The following GAD2 variants were observed in gnomAD, a reference collection of about 807,000 sequenced individuals.
GAD2 encodes glutamate decarboxylase 2.
Under a neutral mutation model 80.1 loss-of-function variants are expected in GAD2, and 22 were observed. That is an observed-to-expected ratio of 0.27 (90% CI 0.20 to 0.39). The LOEUF (loss-of-function observed/expected upper bound fraction) is 0.39. GAD2 is among the 10% of genes least tolerant of loss of function. The pLI is 1.00. For synonymous variants in GAD2, 274 were observed against 256.9 expected (o/e 1.07, Z -0.64); for missense variants, 624 against 738.4 (o/e 0.85, Z 1.80).
At chr10:26,269,054 A>T in intron 8 of GAD2, 65 bp from the exon 9 acceptor site, 11 of 1,265,490 alleles carry the variant, frequency 8.7e-6, no homozygotes, top group Non-Finnish European at 1.1e-5. Flanking sequence ...TCCTGCGGCC[A>T]CTTACGTTGT....
chr10:26,267,506 CT>C (rs1845085881), intron 8 of GAD2, among the ~76,000 whole-genome samples: 1 of 152,180 alleles, frequency 6.6e-6, no homozygotes, highest in South Asian at 2.1e-4. Flanking sequence ...ATCACCCTCC[CT>C]TCCCTCCCCT....
chr10:26,240,949 G>A (rs1258218726), intron 7 of GAD2, among the ~76,000 whole-genome samples: 3 of 151,922 alleles, frequency 2.0e-5, no homozygotes, highest in African/African-American at 7.3e-5. Flanking sequence ...GGCTGAGGCA[G>A]AAGAATGGCG....
intron 7 of GAD2, among the ~76,000 whole-genome samples, chr10:26,235,342 A>G (rs541265134): frequency 6.6e-6 from 1 of 152,182 alleles, no homozygotes; most frequent in African/African-American, 2.4e-5. Flanking sequence ...AAATGTTCAC[A>G]TATTCATGAA....
At position 26,216,979 on chromosome 10, in the gene GAD2, G is replaced by A. The variant is rs927274044; in HGVS notation, c.76+94G>A. Reference sequence around the variant, plus strand: ...GAAGACGAAGGAGGTTTTTCCACCTGCAACAGGAAACTTCTTCGGGCGCTT... The same window carrying A: ...GAAGACGAAGGAGGTTTTTCCACCTACAACAGGAAACTTCTTCGGGCGCTT... On this transcript the variant is annotated intron_variant, in intron 1 of 15. Transcript: ENST00000376261. The surrounding 1 kb of genome is among the most constrained non-coding windows in gnomAD (Gnocchi z 4.7). 1 of 1,127,830 alleles carries A rather than the reference G, an allele frequency of 8.9e-7. No homozygotes were observed. Among genetic ancestry groups the A allele is most frequent in the Non-Finnish European group, 1.3e-6 (1 of 769,156 alleles). 69.9% of individuals were successfully genotyped at this position (1,127,830 alleles called of 1,614,324 possible).
At chr10:26,218,810 T>C (rs1417079490) in intron 3 of GAD2, among the ~76,000 whole-genome samples, 1 of 152,216 alleles carries the variant, frequency 6.6e-6, no homozygotes, top group Non-Finnish European at 1.5e-5. Flanking sequence ...ATATAAGTTA[T>C]GAATTGAAAT....
chr10:26,284,730 C>T (rs1282370311), intron 12 of GAD2, among the ~76,000 whole-genome samples: 1 of 151,942 alleles, frequency 6.6e-6, no homozygotes, highest in Non-Finnish European at 1.5e-5. Flanking sequence ...CACCACCGCC[C>T]AGCTAATTTT....
chr10:26,225,659 G>A (rs1305246377), intron 6 of GAD2, among the ~76,000 whole-genome samples: 1 of 152,152 alleles, frequency 6.6e-6, no homozygotes, highest in African/African-American at 2.4e-5. Flanking sequence ...GTGAAAAGAA[G>A]AAATGATAAG....
intron 8 of GAD2, among the ~76,000 whole-genome samples, chr10:26,254,177 C>G (rs1844916388): frequency 6.6e-6 from 1 of 152,216 alleles, no homozygotes; most frequent in African/African-American, 2.4e-5. Context: ...GCTGGGTTTA[C>G]AGGCTCACGC....
At chr10:26,282,305 T>C (rs1264750523) in intron 12 of GAD2, among the ~76,000 whole-genome samples, 1 of 152,192 alleles carries the variant, frequency 6.6e-6, no homozygotes, top group Non-Finnish European at 1.5e-5. Flanking sequence ...AGTTAATACA[T>C]TATTTTAGAA....
intron 4 of GAD2, among the ~76,000 whole-genome samples, chr10:26,219,894 TCCTC>T (rs1844431832): frequency 6.6e-6 from 1 of 151,752 alleles, no homozygotes; most frequent in East Asian, 1.9e-4. Flanking sequence ...GGATGTGTGT[TCCTC>T]CCAGCCACTG....
chr10:26,288,357 A>G (rs1834172153), intron 13 of GAD2, among the ~76,000 whole-genome samples: 1 of 152,224 alleles, frequency 6.6e-6, no homozygotes, highest in African/African-American at 2.4e-5. Context: ...GCTAAATATC[A>G]GGAGCTTTAC....
At chr10:26,280,782 G>T (rs1343031884) in intron 11 of GAD2, among the ~76,000 whole-genome samples, 1 of 152,150 alleles carries the variant, frequency 6.6e-6, no homozygotes. Flanking sequence ...CTATTTGGGT[G>T]CTGGGTACAC....
chr10:26,297,807 A>G (rs996013582), intron 15 of GAD2, among the ~76,000 whole-genome samples: 1 of 152,184 alleles, frequency 6.6e-6, no homozygotes, highest in Non-Finnish European at 1.5e-5. Context: ...TATGCCTCAC[A>G]GGGCCTGTAT....
In GAD2 at chr10:26,251,148, T is replaced by C. The variant is rs12780466; in HGVS notation, c.920+5148T>C. On this transcript the variant is annotated intron_variant, in intron 8 of 15. Coordinates refer to ENST00000376261, the MANE Select transcript of GAD2 (RefSeq NM_001134366.2). ...CTCCTGATCTCGTGATCCACCCACC[T>C]CGGCCTCCCAAAGTGCTAGGATTAT... is the stretch of plus-strand genomic sequence containing the variant. Among the ~76,000 whole-genome samples the C allele has an allele frequency of 5.2e-3, 780 of 149,820 alleles. 2 individuals are homozygous for C. The highest frequency in any genetic ancestry group is 8.0e-3 in the Non-Finnish European group (542 of 67,654).
At chr10:26,242,951 C>A (rs1022885121) in intron 7 of GAD2, among the ~76,000 whole-genome samples, 1 of 152,158 alleles carries the variant, frequency 6.6e-6, no homozygotes. Context: ...GGGCAGCTGG[C>A]TGTCTCTTCC....
chr10:26,262,895 G>A (rs1487245582), intron 8 of GAD2, among the ~76,000 whole-genome samples: 2 of 151,696 alleles, frequency 1.3e-5, no homozygotes, highest in South Asian at 2.1e-4. Flanking sequence ...GAAGAGGGAC[G>A]GTAGTTTGGG....
intron 11 of GAD2, among the ~76,000 whole-genome samples, chr10:26,274,904 G>C (rs866125457): frequency 6.6e-5 from 10 of 152,234 alleles, no homozygotes; most frequent in Non-Finnish European, 1.2e-4. Context: ...TGGGGTCAGA[G>C]CCTGGCCTGA....
At chr10:26,273,728 A>G in intron 11 of GAD2, 28 bp downstream of exon 11, 1 of 1,591,756 alleles carries the variant, frequency 6.3e-7, no homozygotes, top group South Asian at 1.1e-5. Context: ...TATTAACAAC[A>G]TAAAGTGTTA....
chr10:26,268,146 A>G (rs979316079), intron 8 of GAD2, among the ~76,000 whole-genome samples: 3 of 152,358 alleles, frequency 2.0e-5, no homozygotes, highest in Non-Finnish European at 4.4e-5. Context: ...CTATGTTAGC[A>G]ACCTCCAGAG....
Sources: allele counts gnomAD v4.1 joint callset (sites outside exome capture counted in the v4.1 genomes callset), GRCh38; gene constraint gnomAD v4.1.1; non-coding constraint Gnocchi (gnomAD v3.1); transcripts MANE v1.5; gene names NCBI Gene and HGNC (gene_info 2026-07-23, HGNC 2026-07-21).